The following C6 variants were observed in gnomAD, a reference collection of about 807,000 sequenced individuals.
C6 encodes the protein complement component C6.
C6 carries 101 observed loss-of-function variants against 112.9 expected under a neutral mutation model. The ratio of observed to expected loss-of-function variants is 0.89; its 90% CI spans 0.76 to 1.06. The LOEUF (loss-of-function observed/expected upper bound fraction) is 1.06, where lower values mean the gene tolerates loss of function less well. C6 is among the 50% of genes least tolerant of loss of function. C6 has a pLI of 0.00. For synonymous variants in C6, 431 were observed against 384.1 expected (o/e 1.12, Z -1.43); for missense variants, 1,202 against 1,104.6 (o/e 1.09, Z -1.25).
chr5:41,150,774 C>G (rs1280982959), intron 15 of C6, among the ~76,000 whole-genome samples: 1 of 151,966 alleles, frequency 6.6e-6, no homozygotes, highest in African/African-American at 2.4e-5. Context: ...GTAGTCCCAG[C>G]TACTCAGGAG....
intron 7 of C6, 80 bp from the exon 8 acceptor site, chr5:41,176,795 A>G: frequency 1.5e-6 from 2 of 1,293,010 alleles, no homozygotes; most frequent in Non-Finnish European, 2.2e-6. Flanking sequence ...TCATTGATTT[A>G]TCATTAGTTT....
chr5:41,192,104 C>T (rs191791837), intron 5 of C6, among the ~76,000 whole-genome samples: 228 of 152,222 alleles, frequency 1.5e-3, no homozygotes, highest in Non-Finnish European at 2.1e-3. Flanking sequence ...GAGTTTTTAT[C>T]ATGAAAGGAT....
chr5:41,201,529 A>G (rs771649677), intron 3 of C6, 29 bp downstream of exon 3: 3 of 1,609,606 alleles, frequency 1.9e-6, no homozygotes, highest in East Asian at 2.2e-5. Flanking sequence ...TGTGATTCAT[A>G]TTTCCTGGAA....
At chr5:41,172,854 A>T (rs942186464) in intron 8 of C6, among the ~76,000 whole-genome samples, 1 of 152,058 alleles carries the variant, frequency 6.6e-6, no homozygotes, top group African/African-American at 2.4e-5. Flanking sequence ...GTCACCTAAA[A>T]TGCAAATCTT....
At chr5:41,172,453 C>A (rs756422346) in intron 8 of C6, 106 bp from the exon 9 acceptor site, 1 of 1,038,006 alleles carries the variant, frequency 9.6e-7, no homozygotes, top group South Asian at 1.3e-5. Context: ...TTTATATTAG[C>A]CCCTCTCTTC....
At chr5:41,159,309 G>C in intron 11 of C6, 56 bp from the exon 12 acceptor site, 1 of 1,587,870 alleles carries the variant, frequency 6.3e-7, no homozygotes, top group African/African-American at 1.3e-5. Context: ...ATTTGGGTTT[G>C]GAAGTGAGGC....
At position 41,158,932 on chromosome 5, in the gene C6, T is replaced by G. The variant is rs535400384; in HGVS notation, c.1857-147A>C. 190 of 1,123,208 alleles carry G rather than the reference T, an allele frequency of 1.7e-4. No homozygotes were observed. The African/African-American group carries it at 2.6e-3, about 16-fold the overall frequency. 69.6% of individuals were successfully genotyped at this position (1,123,208 alleles called of 1,614,324 possible). On this transcript the variant is annotated intron_variant, in intron 12 of 17. Coordinates refer to ENST00000337836, the MANE Select transcript of C6 (RefSeq NM_000065.5). ...TTACACACAGAAAAAGGCACGGCAG[T>G]AGACCCAGTGGCTCATTAATATTCT...
chr5:41,241,423 T>A (rs989688179), intron 1 of C6, among the ~76,000 whole-genome samples: 9 of 152,132 alleles, frequency 5.9e-5, no homozygotes, highest in Admixed American at 1.3e-4. Context: ...TGGGAGATAG[T>A]AAAACATGTC....
intron 1 of C6, among the ~76,000 whole-genome samples, chr5:41,231,818 G>GA (rs539459234): frequency 6.7e-4 from 102 of 151,676 alleles, no homozygotes; most frequent in South Asian, 4.0e-3. Context: ...CACTGTGTGT[G>GA]AAAAAATCAC....
At chr5:41,203,556 T>G in intron 1 of C6, 1 of 358,412 alleles carries the variant, frequency 2.8e-6, no homozygotes, top group Non-Finnish European at 5.4e-6. Flanking sequence ...CCAAAAAGTA[T>G]TTTAGATTTA....
At chr5:41,225,250 G>T (rs933428885) in intron 1 of C6, among the ~76,000 whole-genome samples, 1 of 151,832 alleles carries the variant, frequency 6.6e-6, no homozygotes, top group Admixed American at 6.6e-5. Flanking sequence ...AGTGTGTGAC[G>T]TTCCCCTTCC....
intron 15 of C6, 24 bp downstream of exon 15, chr5:41,153,786 C>T: frequency 6.3e-7 from 1 of 1,589,474 alleles, no homozygotes; most frequent in South Asian, 1.1e-5. Flanking sequence ...TTATCAGACC[C>T]CAGAACACTG....
chr5:41,224,841 G>A (rs973524064), intron 1 of C6, among the ~76,000 whole-genome samples: 11 of 152,036 alleles, frequency 7.2e-5, no homozygotes, highest in Non-Finnish European at 1.0e-4. Flanking sequence ...TTTCTGTAGC[G>A]ATTGCACCAT....
intron 4 of C6, 134 bp downstream of exon 4, chr5:41,199,634 A>G (rs1279245898): frequency 2.2e-6 from 2 of 911,722 alleles, no homozygotes; most frequent in Non-Finnish European, 3.6e-6. Flanking sequence ...TGGCAGCATA[A>G]CATTCCCATT....
intron 3 of C6, among the ~76,000 whole-genome samples, chr5:41,200,941 T>C (rs1158456627): frequency 7.3e-6 from 1 of 136,266 alleles, no homozygotes; most frequent in Non-Finnish European, 1.5e-5. Flanking sequence ...GCATACCTAG[T>C]TTGAAAACCT....
rs560272379 is a variant in C6 at position 41,248,711 on chromosome 5, T to C, written c.-21+12483A>G. ...AAGCCGTGGGGAAAATGGATGCTTA[T>C]ACGCTGCTGGTGGGAATGTAAGTAG... On this transcript the variant is annotated intron_variant, in intron 1 of 17. Coordinates refer to the C6 transcript ENST00000263413. 5.9e-5 allele frequency among the ~76,000 whole-genome samples: 9 copies of C among 152,342 alleles called. No individual in the cohort carries two copies. The South Asian group carries it at 1.9e-3, about 32-fold the overall frequency.
chr5:41,176,325 T>A, intron 8 of C6, 150 bp downstream of exon 8: 2 of 792,150 alleles, frequency 2.5e-6, no homozygotes, highest in Non-Finnish European at 3.9e-6. Flanking sequence ...TTTATTTGAA[T>A]GTGTATTTTT....
intron 9 of C6, among the ~76,000 whole-genome samples, chr5:41,164,878 A>G (rs1747848170): frequency 6.6e-6 from 1 of 152,182 alleles, no homozygotes; most frequent in Non-Finnish European, 1.5e-5. Flanking sequence ...TACATAAATC[A>G]TTAAGCATAC....
chr5:41,161,634 A>G, intron 10 of C6, 59 bp downstream of exon 10: 1 of 1,333,164 alleles, frequency 7.5e-7, no homozygotes, highest in South Asian at 1.2e-5. Flanking sequence ...TGTGATGTGC[A>G]ATTTGGGCTG....
Sources: gnomAD v4.1 joint callset for allele counts (sites outside exome capture counted in the v4.1 genomes callset) on GRCh38, gnomAD v4.1.1 for gene constraint, MANE v1.5 for transcripts, NCBI Gene and HGNC (gene_info 2026-07-23, HGNC 2026-07-21) for gene names.